Variants in ADAMTS6 observed in about 807,000 individuals in gnomAD.
ADAMTS6 encodes the protein A disintegrin and metalloproteinase with thrombospondin motifs 6.
Under a neutral mutation model 144.3 loss-of-function variants are expected in ADAMTS6, and 23 were observed. That is an observed-to-expected ratio of 0.16 (90% CI 0.11 to 0.23). The LOEUF is 0.23. ADAMTS6 is among the 10% of genes least tolerant of loss of function. The pLI, the probability that ADAMTS6 is intolerant of heterozygous loss-of-function variation, is 1.00. For synonymous variants in ADAMTS6, 444 were observed against 457.5 expected, an observed-to-expected ratio of 0.97 and a Z score of 0.38; for missense variants, 999 against 1,379.6, an observed-to-expected ratio of 0.72 and a Z score of 4.37.
intron 7 of ADAMTS6, among the ~76,000 whole-genome samples, chr5:65,373,215 A>C (rs1751151658): frequency 1.3e-5 from 2 of 150,868 alleles, no homozygotes; most frequent in South Asian, 4.2e-4. Flanking sequence ...AGCAAGAGCA[A>C]ACACATTCAA....
chr5:65,156,712 C>T (rs1420698709), intron 24 of ADAMTS6, among the ~76,000 whole-genome samples: 1 of 152,176 alleles, frequency 6.6e-6, no homozygotes, highest in East Asian at 1.9e-4. Flanking sequence ...ACACTTATAT[C>T]TATCTACTTA....
intron 7 of ADAMTS6, among the ~76,000 whole-genome samples, chr5:65,447,119 G>A (rs971661884): frequency 4.6e-5 from 7 of 152,044 alleles, no homozygotes; most frequent in South Asian, 2.1e-4. Flanking sequence ...TAGTCTGTTC[G>A]TGCTAATTGC....
intron 7 of ADAMTS6, among the ~76,000 whole-genome samples, chr5:65,409,700 A>G (rs1754887336): frequency 6.6e-6 from 1 of 152,196 alleles, no homozygotes; most frequent in African/African-American, 2.4e-5. Flanking sequence ...ACAAAAAAAG[A>G]GAATTTTAGA....
At chr5:65,354,395 T>C (rs1228471271) in intron 7 of ADAMTS6, among the ~76,000 whole-genome samples, 1 of 151,706 alleles carries the variant, frequency 6.6e-6, no homozygotes, top group Non-Finnish European at 1.5e-5. Flanking sequence ...TTATGATTTC[T>C]ACAAATAATA....
Position 65,174,928 on chromosome 5 carries a change from A to T in ADAMTS6, c.2911-1920T>A, listed in dbSNP as rs1753877519. 2.0e-5 allele frequency among the ~76,000 whole-genome samples: 3 copies of T among 152,126 alleles called. No homozygotes were observed. In the South Asian group the frequency reaches 6.2e-4, roughly 32 times the overall value. On this transcript the variant is annotated intron_variant, in intron 22 of 24. Coordinates refer to ENST00000381055, the MANE Select transcript of ADAMTS6 (RefSeq NM_197941.4). Reference sequence around the variant, plus strand: ...TAAGGGAGATTATGGTGTTACTATGACACCAGGAAAACTTAGAACTTTGTG... The same window carrying T: ...TAAGGGAGATTATGGTGTTACTATGTCACCAGGAAAACTTAGAACTTTGTG...
At chr5:65,277,089 CCA>C (rs1017773680) in intron 11 of ADAMTS6, among the ~76,000 whole-genome samples, 7 of 152,110 alleles carry the variant, frequency 4.6e-5, no homozygotes, top group African/African-American at 1.7e-4. Flanking sequence ...GAGAAGTTAT[CCA>C]CAGTCCCCAC....
intron 24 of ADAMTS6, among the ~76,000 whole-genome samples, chr5:65,169,641 G>A (rs984375449): frequency 6.6e-5 from 10 of 150,406 alleles, no homozygotes; most frequent in Admixed American, 6.6e-4. Flanking sequence ...CAACCCAAAT[G>A]TCCAACAATG....
At chr5:65,444,144 CA>C (rs1758085800) in intron 7 of ADAMTS6, among the ~76,000 whole-genome samples, 1 of 152,174 alleles carries the variant, frequency 6.6e-6, no homozygotes. Flanking sequence ...GTAATCCCAG[CA>C]CTTTGGGAGG....
chr5:65,151,558 A>G lies in ADAMTS6; in HGVS notation c.*278T>C. 2.7e-6 allele frequency: 1 copy of G among 373,310 alleles called. No individual in the cohort carries two copies. Among genetic ancestry groups the G allele is most frequent in the Non-Finnish European group, 4.9e-6 (1 of 205,902 alleles). The allele number at this position is 373,310 out of a possible 1,614,324, so 23.1% of individuals were successfully genotyped here. A position where few individuals can be genotyped will look rare whatever the true frequency, so the allele number is the denominator to read the frequency against. On this transcript the variant is annotated 3_prime_UTR_variant, in exon 25 of 25. Coordinates refer to ENST00000381055, the MANE Select transcript of ADAMTS6 (RefSeq NM_197941.4). The stretch of plus-strand genomic sequence containing the variant: ...GGCTATTGGATTTACTCGAAAGAAC[A>G]CAAACGCTCCACAGTAAGCAAGTCT...
intron 11 of ADAMTS6, among the ~76,000 whole-genome samples, chr5:65,273,711 A>G (rs1762233760): frequency 6.6e-6 from 1 of 152,184 alleles, no homozygotes; most frequent in African/African-American, 2.4e-5. Context: ...ACAATAGTGT[A>G]TAGAAATTTC....
At chr5:65,376,200 A>G (rs756866121) in intron 7 of ADAMTS6, among the ~76,000 whole-genome samples, 3 of 152,210 alleles carry the variant, frequency 2.0e-5, no homozygotes, top group Admixed American at 6.5e-5. Flanking sequence ...AGCATGGCAC[A>G]TGTATACATA....
At chr5:65,196,346 C>A (rs1274748467) in intron 21 of ADAMTS6, among the ~76,000 whole-genome samples, 1 of 151,360 alleles carries the variant, frequency 6.6e-6, no homozygotes, top group African/African-American at 2.4e-5. Flanking sequence ...CACAGTGAAA[C>A]CCCGTCTCTA....
intron 11 of ADAMTS6, among the ~76,000 whole-genome samples, chr5:65,282,994 G>C (rs1204554936): frequency 6.6e-6 from 1 of 151,952 alleles, no homozygotes; most frequent in African/African-American, 2.4e-5. Flanking sequence ...TTGGCCCTTG[G>C]GAAACTCTAA....
chr5:65,370,364 C>T (rs902275469), intron 7 of ADAMTS6, among the ~76,000 whole-genome samples: 7 of 152,180 alleles, frequency 4.6e-5, no homozygotes, highest in Middle Eastern at 3.2e-3. Flanking sequence ...TCTGAGGTAC[C>T]GGGTTCATCT....
intron 21 of ADAMTS6, among the ~76,000 whole-genome samples, chr5:65,189,435 C>T (rs992752884): frequency 1.3e-5 from 2 of 152,134 alleles, no homozygotes; most frequent in Admixed American, 6.5e-5. Context: ...TGGCTGGGTT[C>T]CCTGTCAAGT....
chr5:65,383,986 T>G (rs1752271080), intron 7 of ADAMTS6, among the ~76,000 whole-genome samples: 2 of 152,140 alleles, frequency 1.3e-5, no homozygotes, highest in Admixed American at 6.5e-5. Flanking sequence ...ACTAAATCTG[T>G]GAAGGAGCAC....
chr5:65,206,022 TATGC>T (rs1756062307), intron 20 of ADAMTS6, among the ~76,000 whole-genome samples: 1 of 152,222 alleles, frequency 6.6e-6, no homozygotes, highest in Admixed American at 6.5e-5. Context: ...GAGCAGCTTA[TATGC>T]ATTTATTTTC....
In ADAMTS6 at chr5:65,449,855, T is replaced by TG. The variant is rs1322532869; in HGVS notation, c.1073+1619dup. Among the ~76,000 whole-genome samples the TG allele has an allele frequency of 3.3e-5, 5 of 152,118 alleles. No individual in the cohort carries two copies. The East Asian group carries it at 9.6e-4, about 29-fold the overall frequency. ...TCTACTACTTGAATACCTATATATG[T>TG]GCTTGGTGTAACTTCTGTCATTTGA... On this transcript the variant is annotated intron_variant, in intron 7 of 24. Transcript: ENST00000381055.
At chr5:65,254,762 T>A (rs1760502882) in intron 14 of ADAMTS6, among the ~76,000 whole-genome samples, 1 of 152,220 alleles carries the variant, frequency 6.6e-6, no homozygotes, top group Non-Finnish European at 1.5e-5. Flanking sequence ...AGAAGCAAGT[T>A]TGTAACAGAG....
Sources: gnomAD v4.1 joint callset for allele counts (sites outside exome capture counted in the v4.1 genomes callset) on GRCh38, gnomAD v4.1.1 for gene constraint, MANE v1.5 for transcripts, NCBI Gene and HGNC (gene_info 2026-07-23, HGNC 2026-07-21) for gene names.